Variants in ICA1 observed in about 807,000 individuals in gnomAD.
ICA1 encodes 69 kDa islet cell autoantigen.
A neutral mutation model predicts 71.0 loss-of-function variants in ICA1; 40 were observed. That is an observed-to-expected ratio of 0.56 (90% CI 0.44 to 0.73). ICA1 has a LOEUF of 0.73. Among genes scored for constraint, ICA1 ranks in the 30% least tolerant of loss-of-function variants. The pLI, the probability that ICA1 is intolerant of heterozygous loss-of-function variation, is 0.00. For missense variants in ICA1, 578 were observed against 576.5 expected (o/e 1.00, Z -0.03); for synonymous variants, 207 against 209.5 (o/e 0.99, Z 0.10).
At chr7:8,186,280 A>T (rs897065986) in intron 6 of ICA1, among the ~76,000 whole-genome samples, 2 of 152,222 alleles carry the variant, frequency 1.3e-5, no homozygotes, top group African/African-American at 4.8e-5. Context: ...TGAAGAGGGC[A>T]TCATTAATAG....
intron 1 of ICA1, among the ~76,000 whole-genome samples, chr7:8,237,189 C>T (rs959385620): frequency 1.3e-5 from 2 of 152,100 alleles, no homozygotes; most frequent in Non-Finnish European, 2.9e-5. Context: ...GGACGAGCTG[C>T]TTTTGGGAAT....
intron 6 of ICA1, among the ~76,000 whole-genome samples, chr7:8,165,902 A>G (rs1384596497): frequency 5.3e-5 from 8 of 152,220 alleles, no homozygotes; most frequent in African/African-American, 1.9e-4. Flanking sequence ...TTCCATGCTC[A>G]TGGATAGGAA....
chr7:8,231,708 C>A (rs1800333893), intron 3 of ICA1, among the ~76,000 whole-genome samples: 1 of 152,178 alleles, frequency 6.6e-6, no homozygotes, highest in Non-Finnish European at 1.5e-5. Context: ...CTTAACATTA[C>A]AAAGTTCTTC....
chr7:8,162,881 G>T (rs113933952), intron 6 of ICA1, among the ~76,000 whole-genome samples: 8 of 152,064 alleles, frequency 5.3e-5, no homozygotes, highest in Non-Finnish European at 1.2e-4. Flanking sequence ...CTCCTGCCTC[G>T]GCCTCCCTAG....
In ICA1 at chr7:8,130,661, C is replaced by T. The variant is rs1211046562; in HGVS notation, c.1061-2519G>A. On this transcript the variant is annotated intron_variant, in intron 12 of 13. Coordinates refer to ENST00000402384, the MANE Select transcript of ICA1 (RefSeq NM_001136020.3). This position sits in a 1 kb window ranked among gnomAD's most constrained non-coding sequence, Gnocchi z 4.2. Reference sequence around the variant, plus strand: ...TTGGAAATGACGTATGTTCCTTCTACAGTCGCTTTATACAGCCCTCCACTA... The same window carrying T: ...TTGGAAATGACGTATGTTCCTTCTATAGTCGCTTTATACAGCCCTCCACTA... Among the ~76,000 whole-genome samples, 1 of 152,188 alleles carries T rather than the reference C, an allele frequency of 6.6e-6. No homozygotes were observed. The highest frequency in any genetic ancestry group is 2.4e-5 in the African/African-American group (1 of 41,434).
intron 6 of ICA1, among the ~76,000 whole-genome samples, chr7:8,180,367 T>C (rs1490377585): frequency 6.6e-6 from 1 of 152,174 alleles, no homozygotes; most frequent in Non-Finnish European, 1.5e-5. Context: ...TTCGTTCTTT[T>C]TCATTACTGT....
chr7:8,118,948 A>T (rs1413770927), intron 13 of ICA1, among the ~76,000 whole-genome samples: 1 of 152,242 alleles, frequency 6.6e-6, no homozygotes, highest in Non-Finnish European at 1.5e-5. Flanking sequence ...CTGCAGGTAG[A>T]GCCCGGGAAG....
chr7:8,260,670 C>A (rs1328218758), intron 1 of ICA1, among the ~76,000 whole-genome samples: 1 of 152,158 alleles, frequency 6.6e-6, no homozygotes, highest in Non-Finnish European at 1.5e-5. Context: ...TTGAGCTATT[C>A]AGGATTATAA....
chr7:8,185,932 C>T (rs1156435285), intron 6 of ICA1, among the ~76,000 whole-genome samples: 1 of 152,196 alleles, frequency 6.6e-6, no homozygotes, highest in Non-Finnish European at 1.5e-5. Context: ...ACAGGAAACA[C>T]TTTGTTAATC....
At chr7:8,129,688 CAG>C (rs1187120646) in intron 12 of ICA1, among the ~76,000 whole-genome samples, 2 of 152,178 alleles carry the variant, frequency 1.3e-5, no homozygotes, top group East Asian at 3.9e-4. Flanking sequence ...GCTTCTGAGA[CAG>C]TGTGATTTTT....
chr7:8,115,471 A>G (rs533959153), intron 13 of ICA1, among the ~76,000 whole-genome samples: 1 of 152,282 alleles, frequency 6.6e-6, no homozygotes, highest in Admixed American at 6.5e-5. Flanking sequence ...AAGATGCTAC[A>G]TGCTTGTTTC....
At chr7:8,153,535 T>C (rs1800390776) in intron 8 of ICA1, among the ~76,000 whole-genome samples, 1 of 152,096 alleles carries the variant, frequency 6.6e-6, no homozygotes, top group African/African-American at 2.4e-5. Flanking sequence ...TCGGCATCTG[T>C]GGAGAAATGT....
At position 8,221,502 on chromosome 7, in the gene ICA1, A is replaced by G. The variant is rs1797059908; in HGVS notation, c.257-104T>C. 3.0e-6 allele frequency: 4 copies of G among 1,316,758 alleles called. No homozygotes were observed. The Admixed American group carries it at 7.7e-5, about 25-fold the overall frequency. The allele number at this position is 1,316,758 out of a possible 1,614,324, so 81.6% of individuals were successfully genotyped here. ...GGTCCTCTCTCTTCCAGAGGCGAAG[A>G]CGAGATGAAATTAAATCTAAGCGGC... On this transcript the variant is annotated intron_variant, in intron 4 of 13. Coordinates refer to ENST00000402384, the MANE Select transcript of ICA1 (RefSeq NM_001136020.3).
intron 6 of ICA1, among the ~76,000 whole-genome samples, chr7:8,206,362 T>C (rs187370008): frequency 2.6e-5 from 4 of 152,226 alleles, no homozygotes; most frequent in African/African-American, 9.6e-5. Context: ...AGCTGCCCAC[T>C]TGACATTACC....
intron 6 of ICA1, among the ~76,000 whole-genome samples, chr7:8,195,309 G>C (rs1001523595): frequency 6.6e-6 from 1 of 152,194 alleles, no homozygotes; most frequent in Non-Finnish European, 1.5e-5. Flanking sequence ...GAGGTGGGCA[G>C]ATCCCTGGAT....
At chr7:8,239,002 G>T (rs1279410841) in intron 1 of ICA1, among the ~76,000 whole-genome samples, 2 of 152,136 alleles carry the variant, frequency 1.3e-5, no homozygotes, top group African/African-American at 4.8e-5. Flanking sequence ...TGGCACACAG[G>T]GAAAATATTT....
chr7:8,258,338 C>A (rs1810959105), intron 1 of ICA1, among the ~76,000 whole-genome samples: 1 of 152,154 alleles, frequency 6.6e-6, no homozygotes, highest in South Asian at 2.1e-4. Flanking sequence ...CTGATTTGGT[C>A]AAAGGCCTGA....
In ICA1 at chr7:8,215,801, C is replaced by T. The variant is rs532709504; in HGVS notation, c.579+2504G>A. 2.1e-4 allele frequency among the ~76,000 whole-genome samples: 32 copies of T among 152,260 alleles called. No homozygotes were observed. The South Asian group carries it at 5.6e-3, about 27-fold the overall frequency. On this transcript the variant is annotated intron_variant, in intron 6 of 13. Coordinates refer to ENST00000402384, the MANE Select transcript of ICA1 (RefSeq NM_001136020.3). ...TCCTTTAAGACGTGAAGGTGGCAGC[C>T]GGCCCCGAGGAGACTGAAACTCCCC...
intron 1 of ICA1, among the ~76,000 whole-genome samples, chr7:8,237,696 T>C (rs530540095): frequency 6.6e-6 from 1 of 152,298 alleles, no homozygotes; most frequent in South Asian, 2.1e-4. Flanking sequence ...AGTATTTGTG[T>C]TCTTGTGATT....
Sources: allele counts gnomAD v4.1 joint callset (sites outside exome capture counted in the v4.1 genomes callset), GRCh38; gene constraint gnomAD v4.1.1; non-coding constraint Gnocchi (gnomAD v3.1); transcripts MANE v1.5; gene names NCBI Gene and HGNC (gene_info 2026-07-23, HGNC 2026-07-21).